TMEM181: variants seen among roughly 807,000 people sequenced by gnomAD.
TMEM181 encodes the protein transmembrane protein 181.
A neutral mutation model predicts 71.9 loss-of-function variants in TMEM181; 39 were observed. That is an observed-to-expected ratio of 0.54 (90% CI 0.42 to 0.71). The LOEUF (loss-of-function observed/expected upper bound fraction) is 0.71. Ranked by LOEUF, TMEM181 falls within the 30% of genes least tolerant of loss-of-function variation. The probability of loss-of-function intolerance (pLI) is 0.00; values close to 1 mark genes in which losing one functional copy is unlikely to be tolerated. For synonymous variants in TMEM181, 245 were observed against 228.8 expected (o/e 1.07, Z -0.64); for missense variants, 595 against 583.0 (o/e 1.02, Z -0.21).
At chr6:158,631,444 T>A in intron 16 of TMEM181, 55 bp downstream of exon 16, 1 of 1,559,116 alleles carries the variant, frequency 6.4e-7, no homozygotes, top group Non-Finnish European at 8.8e-7. Context: ...GGCACGGCCT[T>A]GCATGTTTCT....
At chr6:158,630,826 C>T (rs1023887172) in intron 15 of TMEM181, among the ~76,000 whole-genome samples, 12 of 152,116 alleles carry the variant, frequency 7.9e-5, no homozygotes, top group Non-Finnish European at 1.8e-4. Flanking sequence ...AGGCAGCCCC[C>T]CGCACCCCCC....
At chr6:158,582,963 A>T (rs183951774) in intron 3 of TMEM181, among the ~76,000 whole-genome samples, 1 of 152,144 alleles carries the variant, frequency 6.6e-6, no homozygotes. Context: ...GGCCGGGCGC[A>T]GTGGCTCATG....
At chr6:158,605,145 T>TGTGTGG in intron 6 of TMEM181, 122 bp from the exon 7 acceptor site, 2 of 552,538 alleles carry the variant, frequency 3.6e-6, no homozygotes, top group Admixed American at 2.7e-5. Context: ...TGTGTGTGTG[T>TGTGTGG]GTGTGTGTGT....
Position 158,621,440 on chromosome 6 carries a change from C to T in TMEM181, c.897-2110C>T, listed in dbSNP as rs77166229. ...AGGATGAGCCCCAGGATAACCTCGGCGAAGCAAGCCACACCATCCTCTTCC... is the reference window on the plus strand; with the variant it reads ...AGGATGAGCCCCAGGATAACCTCGGTGAAGCAAGCCACACCATCCTCTTCC... On this transcript the variant is annotated intron_variant, in intron 10 of 16. Coordinates refer to ENST00000684151, the MANE Select transcript of TMEM181 (RefSeq NM_001376852.1). 16 of 217,762 alleles carry T rather than the reference C, an allele frequency of 7.3e-5. No individual in the cohort carries two copies. The East Asian group carries it at 9.5e-4, about 13-fold the overall frequency. The allele number at this position is 217,762 out of a possible 1,614,324, so 13.5% of individuals were successfully genotyped here.
At chr6:158,610,595 C>A in intron 10 of TMEM181, 1 of 396,260 alleles carries the variant, frequency 2.5e-6, no homozygotes, top group South Asian at 7.6e-5. Context: ...TTGGAATGTT[C>A]TTCTTTGCTT....
chr6:158,623,691 G>C lies in TMEM181; in HGVS notation c.954+84G>C, dbSNP rs1056503412. On this transcript the variant is annotated intron_variant, in intron 11 of 16. Transcript: ENST00000684151. ...TGAATTTTGTGACTTAAATTGTTCTGTTGAGCTTTTTGCTAACTGACTACT... is the reference window on the plus strand; with the variant it reads ...TGAATTTTGTGACTTAAATTGTTCTCTTGAGCTTTTTGCTAACTGACTACT... 7.8e-6 allele frequency: 8 copies of C among 1,028,912 alleles called. No homozygotes were observed. In the African/African-American group the frequency reaches 1.3e-4, roughly 17 times the overall value. The allele number at this position is 1,028,912 out of a possible 1,614,324, so 63.7% of individuals were successfully genotyped here.
chr6:158,608,611 A>C, intron 9 of TMEM181, 48 bp from the exon 10 acceptor site: 2 of 1,595,692 alleles, frequency 1.3e-6, no homozygotes, highest in Non-Finnish European at 1.7e-6. Flanking sequence ...ATGTACAATT[A>C]CCAATTTGGT....
In TMEM181 at chr6:158,566,891, G is replaced by A. The variant is rs77584176; in HGVS notation, c.9-6529G>A. On this transcript the variant is annotated intron_variant, in intron 1 of 16. Coordinates refer to ENST00000684151, the MANE Select transcript of TMEM181 (RefSeq NM_001376852.1). Reference sequence around the variant, plus strand: ...GGGAAAGAAAAGATGAATAATGAGGGGAGACCTGGCTCACGGTGATTTGCA... The same window carrying A: ...GGGAAAGAAAAGATGAATAATGAGGAGAGACCTGGCTCACGGTGATTTGCA... Among the ~76,000 whole-genome samples the A allele has an allele frequency of 8.2e-3, 1,242 of 152,208 alleles. 20 individuals carry two copies. The highest frequency in any genetic ancestry group is 0.028 in the African/African-American group (1,177 of 41,504).
At position 158,585,619 on chromosome 6, in the gene TMEM181, C is replaced by A. The variant is rs142999141; in HGVS notation, c.381+194C>A. Reference sequence around the variant, plus strand: ...TTACAGTTGGATACCCTTAAAAATTCTTATAAACGTACACATGCATTCACA... The same window carrying A: ...TTACAGTTGGATACCCTTAAAAATTATTATAAACGTACACATGCATTCACA... On this transcript the variant is annotated intron_variant, in intron 5 of 16. Transcript: ENST00000684151. 6.8e-3 allele frequency among the ~76,000 whole-genome samples: 1,037 copies of A among 152,326 alleles called. 11 individuals are homozygous for A. Among genetic ancestry groups the A allele is most frequent in the African/African-American group, 0.024 (983 of 41,576 alleles).
chr6:158,587,261 C>T (rs1028213924), intron 5 of TMEM181, among the ~76,000 whole-genome samples: 9 of 152,198 alleles, frequency 5.9e-5, no homozygotes, highest in African/African-American at 2.2e-4. Context: ...CTGCACTGTT[C>T]CTTCTTGGAT....
intron 1 of TMEM181, chr6:158,536,919 C>T (rs1582903311): frequency 8.2e-7 from 1 of 1,218,222 alleles, no homozygotes; most frequent in Admixed American, 4.3e-5. Flanking sequence ...GGCCGCAGTC[C>T]CCTCCGGGAC....
chr6:158,548,420 C>T (rs1378185467), intron 1 of TMEM181, among the ~76,000 whole-genome samples: 1 of 152,132 alleles, frequency 6.6e-6, no homozygotes, highest in African/African-American at 2.4e-5. Context: ...AAACATGGGC[C>T]AGAAGGAGGG....
chr6:158,557,358 A>T (rs373360922), upstream of TMEM181, among the ~76,000 whole-genome samples: 2 of 143,132 alleles, frequency 1.4e-5, no homozygotes, highest in Non-Finnish European at 3.1e-5. Flanking sequence ...GGTGACAGGG[A>T]GACTCTGTCT....
rs1337016864 is a variant in TMEM181 at position 158,607,363 on chromosome 6, C to G, written c.673+20C>G. On this transcript the variant is annotated intron_variant, in intron 8 of 16. Transcript: ENST00000684151. ...ACAATGGTGGGTAGTTCCATTTTTA[C>G]TTAGGAACTTTTCCCTTTAAAATGT... 1.2e-6 allele frequency: 2 copies of G among 1,605,700 alleles called. No homozygotes were observed. Among genetic ancestry groups the G allele is most frequent in the Non-Finnish European group, 1.7e-6 (2 of 1,172,330 alleles).
intron 14 of TMEM181, among the ~76,000 whole-genome samples, chr6:158,629,070 C>T (rs1464030019): frequency 6.6e-6 from 1 of 152,218 alleles, no homozygotes; most frequent in East Asian, 1.9e-4. Context: ...AGGCCAGTGG[C>T]GCAGGGCTGT....
intron 1 of TMEM181, among the ~76,000 whole-genome samples, chr6:158,568,321 G>A (rs1387924000): frequency 4.6e-5 from 7 of 152,088 alleles, no homozygotes; most frequent in African/African-American, 1.7e-4. Flanking sequence ...AACGTGTTGG[G>A]CAGCGCTGCT....
At chr6:158,613,057 C>G (rs1464073884) in intron 10 of TMEM181, among the ~76,000 whole-genome samples, 1 of 151,084 alleles carries the variant, frequency 6.6e-6, no homozygotes, top group Admixed American at 6.6e-5. Context: ...TTTCTTATTT[C>G]TTTACATTGA....
chr6:158,561,474 C>T (rs1174257323), intron 1 of TMEM181, among the ~76,000 whole-genome samples: 2 of 152,288 alleles, frequency 1.3e-5, no homozygotes, highest in East Asian at 3.9e-4. Flanking sequence ...GGAACTGTGG[C>T]CTTGTAGCAG....
chr6:158,546,052 T>G (rs951033741), intron 1 of TMEM181, among the ~76,000 whole-genome samples: 1 of 152,218 alleles, frequency 6.6e-6, no homozygotes, highest in African/African-American at 2.4e-5. Flanking sequence ...ACCGGGGCAG[T>G]GTTTCTGATG....
Sources: allele counts gnomAD v4.1 joint callset (sites outside exome capture counted in the v4.1 genomes callset), GRCh38; gene constraint gnomAD v4.1.1; transcripts MANE v1.5; gene names NCBI Gene and HGNC (gene_info 2026-07-23, HGNC 2026-07-21).